The following FNBP4 variants were observed in gnomAD, a reference collection of about 807,000 sequenced individuals.
FNBP4 encodes the protein formin binding protein 4, also known as formin-binding protein 4.
Under a neutral mutation model 119.3 loss-of-function variants are expected in FNBP4, and 34 were observed. The ratio of observed to expected loss-of-function variants is 0.28; its 90% CI spans 0.22 to 0.38. The LOEUF is 0.38. FNBP4 is among the 10% of genes least tolerant of loss of function. The pLI, the probability that FNBP4 is intolerant of heterozygous loss-of-function variation, is 1.00. For missense variants in FNBP4, 1,112 were observed against 1,228.9 expected, an observed-to-expected ratio of 0.90 and a Z score of 1.42; for synonymous variants, 462 against 430.6, an observed-to-expected ratio of 1.07 and a Z score of -0.90.
intron 9 of FNBP4, 61 bp downstream of exon 9, chr11:47,736,555 G>A (rs1460323801): frequency 6.8e-5 from 92 of 1,359,794 alleles, no homozygotes; most frequent in Non-Finnish European, 8.4e-5. Flanking sequence ...GCAAGACTCC[G>A]TCTCAAAATA....
chr11:47,764,995 C>G (rs1243526996), intron 2 of FNBP4, among the ~76,000 whole-genome samples: 1 of 151,872 alleles, frequency 6.6e-6, no homozygotes, highest in Non-Finnish European at 1.5e-5. Context: ...GAACACCAAG[C>G]TAGTGGGAGG....
In FNBP4 at chr11:47,723,037, G is replaced by A. The variant is rs1340436765; in HGVS notation, c.2744C>T (p.Pro915Leu). Residue 915 changes from proline to leucine, a missense_variant, in exon 15 of 17, where the codon CCA becomes CTA. Pro to Leu is a moderately conservative substitution (Grantham distance 98). Coordinates refer to ENST00000263773, the MANE Select transcript of FNBP4 (RefSeq NM_015308.5). ...PPPPPPPPPP[P>L]PPPAPKMPPP... ...TGGCATTTTGGGAGCTGGTGGTGGT[G>A]GAGGAGGAGGAGGAGGAGGTGGTGG... is the stretch of plus-strand genomic sequence containing the variant. 5 of 1,517,104 alleles carry A rather than the reference G, an allele frequency of 3.3e-6. No individual in the cohort carries two copies. The highest frequency in any genetic ancestry group is 2.5e-5 in the South Asian group (2 of 78,502). 94.0% of individuals were successfully genotyped at this position (1,517,104 alleles called of 1,614,324 possible).
intron 15 of FNBP4, among the ~76,000 whole-genome samples, chr11:47,722,132 C>T (rs2135068354): frequency 7.5e-6 from 1 of 132,522 alleles, no homozygotes; most frequent in East Asian, 2.2e-4. Context: ...AAAGGTTCTA[C>T]AAAAGCAGAG....
intron 9 of FNBP4, among the ~76,000 whole-genome samples, chr11:47,736,252 A>AG (rs2097573966): frequency 4.5e-5 from 2 of 44,712 alleles, no homozygotes; most frequent in Admixed American, 3.5e-4. Context: ...GGAAAAAAAA[A>AG]GAAAAAAAAA....
In FNBP4 at chr11:47,750,965, A is replaced by G. The variant is rs754717603; in HGVS notation, c.857T>C (p.Val286Ala). 2 of 1,614,052 alleles carry G rather than the reference A, an allele frequency of 1.2e-6. No individual in the cohort carries two copies. The highest frequency in any genetic ancestry group is 8.5e-7 in the Non-Finnish European group (1 of 1,179,990). The change falls in exon 6 of 17, where the codon GTT becomes GCT. Residue 286 changes from valine (V) to alanine (A), a missense_variant. Coordinates refer to ENST00000263773, the MANE Select transcript of FNBP4 (RefSeq NM_015308.5). ...GACTGGTCCACTTTTACTACTGGAA[A>G]CAGAAATCGTTTTCTCCTTAGAATA... ...DIYSKEKTIS[V>A]SSSKSGPVIA...
At chr11:47,725,808 T>A in intron 12 of FNBP4, 4 of 982,578 alleles carry the variant, frequency 4.1e-6, no homozygotes, top group Non-Finnish European at 4.8e-6. Context: ...TAGATATATA[T>A]CCCAGGAATG....
intron 16 of FNBP4, among the ~76,000 whole-genome samples, chr11:47,718,836 G>C (rs2097552244): frequency 6.6e-6 from 1 of 151,402 alleles, no homozygotes; most frequent in South Asian, 2.1e-4. Context: ...TTTTGAGAAA[G>C]CCATCTTCTT....
rs768463293 is a variant in FNBP4, at chr11:47,724,120, C to T, written c.2372G>A (p.Arg791Lys). 6.2e-7 allele frequency: 1 copy of T among 1,614,218 alleles called. No homozygotes were observed. The highest frequency in any genetic ancestry group is 8.5e-7 in the Non-Finnish European group (1 of 1,180,032). The change falls in exon 14 of 17, where the codon AGG becomes AAG. Residue 791 changes from arginine (R) to lysine (K), a missense_variant. Physicochemically the swap from Arg to Lys is conservative, Grantham distance 26. Transcript: ENST00000263773. ...TGCAGTGCTAATTTCTGTAGCTTTC[C>T]TCTTTATTCCTTTAGTGGAAGAAGA... ...SSSSSTKGIK[R>K]KATEISTAVV...
chr11:47,733,990 C>T (rs775130840), intron 10 of FNBP4, 35 bp downstream of exon 10: 1 of 1,068,174 alleles, frequency 9.4e-7, no homozygotes, highest in South Asian at 1.6e-5. Context: ...AAACACTTAA[C>T]TGTTTATGCC....
chr11:47,741,323 C>T lies in FNBP4; in HGVS notation c.1456+2630G>A, dbSNP rs935916721. Among the ~76,000 whole-genome samples the T allele has an allele frequency of 1.2e-4, 18 of 151,576 alleles. 1 individual carries two copies. Among genetic ancestry groups the T allele is most frequent in the African/African-American group, 4.2e-4 (17 of 40,958 alleles). On this transcript the variant is annotated intron_variant, in intron 8 of 16. Coordinates refer to ENST00000263773, the MANE Select transcript of FNBP4 (RefSeq NM_015308.5). ...TAGCTGGGATTATATCCGTGTGCCACCACACTGGCTAATTTTTAAAAAACA... is the reference window on the plus strand; with the variant it reads ...TAGCTGGGATTATATCCGTGTGCCATCACACTGGCTAATTTTTAAAAAACA...
At chr11:47,758,731 C>T (rs145566702) in intron 2 of FNBP4, among the ~76,000 whole-genome samples, 182 of 151,400 alleles carry the variant, frequency 1.2e-3, no homozygotes, top group Middle Eastern at 0.01. Flanking sequence ...TGGTGGTGCG[C>T]GCCTGTAATC....
At chr11:47,721,724 C>T (rs1174142437) in intron 15 of FNBP4, among the ~76,000 whole-genome samples, 1 of 151,710 alleles carries the variant, frequency 6.6e-6, no homozygotes, top group African/African-American at 2.4e-5. Flanking sequence ...AGATTTTTTG[C>T]CCCTTTTCTT....
intron 8 of FNBP4, among the ~76,000 whole-genome samples, chr11:47,743,184 T>C (rs1308036240): frequency 1.3e-5 from 2 of 152,042 alleles, no homozygotes; most frequent in Non-Finnish European, 2.9e-5. Flanking sequence ...ACTGCTGACT[T>C]TCCACTACAG....
At chr11:47,725,026 C>A in intron 12 of FNBP4, 1 of 355,494 alleles carries the variant, frequency 2.8e-6, no homozygotes, top group African/African-American at 2.1e-5. Context: ...ATGACTTCCA[C>A]GGAAAGATAA....
intron 8 of FNBP4, among the ~76,000 whole-genome samples, chr11:47,740,204 C>A (rs936926997): frequency 6.6e-6 from 1 of 151,774 alleles, no homozygotes; most frequent in Non-Finnish European, 1.5e-5. Flanking sequence ...CACCTGAGGT[C>A]GGGAGTTCGA....
chr11:47,752,285 C>T (rs978083214), intron 4 of FNBP4, among the ~76,000 whole-genome samples: 5 of 151,284 alleles, frequency 3.3e-5, no homozygotes, highest in African/African-American at 1.2e-4. Flanking sequence ...ATTTGCTGGG[C>T]GTGGTGGTGG....
intron 15 of FNBP4, among the ~76,000 whole-genome samples, chr11:47,722,368 C>T (rs1024389035): frequency 6.6e-6 from 1 of 151,778 alleles, no homozygotes; most frequent in Admixed American, 6.6e-5. Flanking sequence ...CCCGCCTCAG[C>T]CTCTTTAATA....
chr11:47,760,097 C>T (rs969472460), intron 2 of FNBP4, among the ~76,000 whole-genome samples: 3 of 152,160 alleles, frequency 2.0e-5, no homozygotes, highest in African/African-American at 7.2e-5. Context: ...GGTCCACAGG[C>T]AAAATCGGCT....
chr11:47,729,437 T>C (rs1228239596), intron 12 of FNBP4: 1 of 985,210 alleles, frequency 1.0e-6, no homozygotes, highest in Non-Finnish European at 1.2e-6. Flanking sequence ...CAAATAATGA[T>C]TAAAAATGAC....
Sources: allele counts gnomAD v4.1 joint callset (sites outside exome capture counted in the v4.1 genomes callset), GRCh38; gene constraint gnomAD v4.1.1; transcripts MANE v1.5; gene names NCBI Gene and HGNC (gene_info 2026-07-23, HGNC 2026-07-21).